The following TSC2 variants were observed in gnomAD, a reference collection of about 807,000 sequenced individuals.
TSC2 encodes the protein tuberin.
In TSC2, 29 loss-of-function variants were observed where a neutral mutation model predicts 202.2. The observed-to-expected ratio is 0.14, with a 90% CI of 0.11 to 0.20. The LOEUF is 0.20. TSC2 is among the 10% of genes least tolerant of loss of function. The probability of loss-of-function intolerance (pLI) is 1.00; values close to 1 mark genes in which losing one functional copy is unlikely to be tolerated. For missense variants in TSC2, 2,429 were observed against 2,420.0 expected (o/e 1.00, Z -0.08); for synonymous variants, 1,349 against 1,044.0 (o/e 1.29, Z -5.63).
chr16:2,061,344 G>A (rs960370804), intron 11 of TSC2: 3 of 283,622 alleles, frequency 1.1e-5, no homozygotes, highest in African/African-American at 4.4e-5. Flanking sequence ...AAGGGAGGCC[G>A]GGACTTCGCC....
chr16:2,070,465 T>C lies in TSC2; in HGVS notation c.1726T>C (p.Tyr576His). The C allele has an allele frequency of 6.2e-7, 1 of 1,613,370 alleles. No homozygotes were observed. Among genetic ancestry groups the C allele is most frequent in the Non-Finnish European group, 8.5e-7 (1 of 1,180,018 alleles). Residue 576 changes from tyrosine (Y) to histidine (H), a missense_variant, in exon 17 of 42, where the codon TAC (tyrosine) becomes CAC (histidine). Coordinates refer to ENST00000219476, the MANE Select transcript of TSC2 (RefSeq NM_000548.5). ...CGTCCTCTCTCTGCAGACCAAGCTG[T>C]ACACCCTGCCTGCAAGCCACGCCAC... is the stretch of plus-strand genomic sequence containing the variant. ...GLLVILQTKL[Y>H]TLPASHATRV...
At chr16:2,069,314 C>T (rs562024249) in intron 16 of TSC2, among the ~76,000 whole-genome samples, 23 of 152,252 alleles carry the variant, frequency 1.5e-4, no homozygotes, top group Middle Eastern at 6.8e-3. Flanking sequence ...AACTGTTAAT[C>T]ATTTAATCAT....
chr16:2,079,538 C>T lies in TSC2; in HGVS notation c.3285-19C>T, dbSNP rs45517291. 28 of 1,606,830 alleles carry T rather than the reference C, an allele frequency of 1.7e-5. No homozygotes were observed. The highest frequency in any genetic ancestry group is 9.0e-5 in the East Asian group (4 of 44,618). On this transcript the variant is annotated intron_variant, in intron 28 of 41. Transcript: ENST00000219476. This position sits in a 1 kb window ranked among gnomAD's most constrained non-coding sequence, Gnocchi z 4.6. ...GCCTGGGGACTAAGTCCACCCTGTG[C>T]GTGGGATTCTCTTCTCAGCTCCAGC...
In TSC2 at chr16:2,089,052, G is replaced by A. The variant is rs2091300343; in HGVS notation, c.*442G>A. On this transcript the variant is annotated 3_prime_UTR_variant, in exon 42 of 42. Transcript: ENST00000219476. ...CTCTTGCTACCTGGCCTGGGGCAAG[G>A]GAGGATGACAAGGCCTCTGGGGTGA... The A allele has an allele frequency of 1.6e-5, 3 of 193,416 alleles. No individual in the cohort carries two copies. Among genetic ancestry groups the A allele is most frequent in the South Asian group, 2.1e-4 (2 of 9,684 alleles). 12.0% of individuals were successfully genotyped at this position (193,416 alleles called of 1,614,324 possible). A position where few individuals can be genotyped will look rare whatever the true frequency, so the allele number is the denominator to read the frequency against.
At chr16:2,053,806 A>G (rs1275878666) in intron 4 of TSC2, 1 of 517,884 alleles carries the variant, frequency 1.9e-6, no homozygotes, top group Admixed American at 2.3e-5. Flanking sequence ...TCCCCTGCTC[A>G]CTGCATTCCA....
intron 17 of TSC2, among the ~76,000 whole-genome samples, chr16:2,070,907 G>A (rs897609700): frequency 1.3e-5 from 2 of 152,226 alleles, no homozygotes; most frequent in African/African-American, 4.8e-5. Context: ...GCAGAGGGCT[G>A]GGCAGGTGGG....
intron 32 of TSC2, 21 bp downstream of exon 32, chr16:2,082,525 G>A (rs1354017993): frequency 6.2e-7 from 1 of 1,609,022 alleles, no homozygotes; most frequent in Non-Finnish European, 8.5e-7. Flanking sequence ...TCAGAGGGAA[G>A]CGGTTGGCTG....
intron 10 of TSC2, 136 bp downstream of exon 10, chr16:2,059,009 G>T (rs1468390913): frequency 5.0e-6 from 7 of 1,407,766 alleles, no homozygotes; most frequent in Non-Finnish European, 6.8e-6. Context: ...TTGCTTTGCA[G>T]CTGGGGGTGA....
chr16:2,077,808 G>A (rs2151417952), intron 26 of TSC2, 82 bp downstream of exon 26: 1 of 1,593,996 alleles, frequency 6.3e-7, no homozygotes, highest in Non-Finnish European at 8.5e-7. Context: ...GGGGCTGCTT[G>A]CATGACCTCA....
intron 32 of TSC2, chr16:2,083,207 C>T (rs577930085): frequency 2.2e-6 from 1 of 458,974 alleles, no homozygotes; most frequent in African/African-American, 2.0e-5. Flanking sequence ...GACCTCCCAC[C>T]CTCTCTCCTT....
intron 23 of TSC2, 47 bp downstream of exon 23, chr16:2,075,939 T>C (rs1328780104): frequency 6.2e-7 from 1 of 1,612,398 alleles, no homozygotes; most frequent in Non-Finnish European, 8.5e-7. Flanking sequence ...TGGCCCCCGC[T>C]AGGCCTTGCG....
In TSC2 at chr16:2,067,160, T is replaced by A. The variant is rs529833847; in HGVS notation, c.1716+1525T>A. On this transcript the variant is annotated intron_variant, in intron 16 of 41. Coordinates refer to ENST00000219476, the MANE Select transcript of TSC2 (RefSeq NM_000548.5). Reference sequence around the variant, plus strand: ...AAGTTGAAAGTGGTGATGATTTTTTTTTTTAATTAATTTTTTGAGACAAGA... The same window carrying A: ...AAGTTGAAAGTGGTGATGATTTTTTATTTTAATTAATTTTTTGAGACAAGA... Among the ~76,000 whole-genome samples, 11 of 152,042 alleles carry A rather than the reference T, an allele frequency of 7.2e-5. No individual in the cohort carries two copies. In the South Asian group the frequency reaches 1.5e-3, roughly 20 times the overall value.
chr16:2,063,191 G>A (rs542190501), intron 14 of TSC2, 138 bp downstream of exon 14: 14 of 1,098,460 alleles, frequency 1.3e-5, no homozygotes, highest in Admixed American at 6.0e-5. Flanking sequence ...AGCCCCCAGC[G>A]TGGTCTGTTT....
intron 1 of TSC2, chr16:2,048,320 G>A: frequency 1.0e-6 from 1 of 984,570 alleles, no homozygotes; most frequent in Non-Finnish European, 1.6e-6. Flanking sequence ...CTTCGCGGCG[G>A]CAGTCCTAAC....
intron 13 of TSC2, 67 bp downstream of exon 13, chr16:2,062,667 C>CG: frequency 6.7e-7 from 1 of 1,503,630 alleles, no homozygotes; most frequent in Non-Finnish European, 9.1e-7. Context: ...GGGGCCCACC[C>CG]GGGCTGGGTC....
At chr16:2,074,996 A>T (rs1225012916) in intron 22 of TSC2, 3 of 159,870 alleles carry the variant, frequency 1.9e-5, no homozygotes, top group African/African-American at 7.4e-5. Flanking sequence ...CGGGTGGATC[A>T]CCTGAGGTCA....
chr16:2,052,305 G>C (rs2085235246), intron 3 of TSC2, among the ~76,000 whole-genome samples: 1 of 151,690 alleles, frequency 6.6e-6, no homozygotes, highest in Admixed American at 6.6e-5. Context: ...AAAGAACACG[G>C]CCATTTTGTT....
chr16:2,087,788 G>A lies in TSC2; in HGVS notation c.4990-75G>A, dbSNP rs564167361. 5.8e-5 allele frequency: 90 copies of A among 1,552,606 alleles called. 1 individual carries two copies. The South Asian group carries it at 8.9e-4, about 15-fold the overall frequency. On this transcript the variant is annotated intron_variant, in intron 38 of 41. Coordinates refer to ENST00000219476, the MANE Select transcript of TSC2 (RefSeq NM_000548.5). ...ATGGAGCTGACAGGTGTCTAGCAGT[G>A]CAACCAGGCAGTAGCCGAGATCAGC...
At chr16:2,057,969 C>A (rs577269806) in intron 9 of TSC2, among the ~76,000 whole-genome samples, 46 of 64,332 alleles carry the variant, frequency 7.2e-4, no homozygotes, top group African/African-American at 2.9e-3. Flanking sequence ...CTCTCCCAGC[C>A]CTGCCTCGGC....
Sources: gnomAD v4.1 joint callset for allele counts (sites outside exome capture counted in the v4.1 genomes callset) on GRCh38, gnomAD v4.1.1 for gene constraint, Gnocchi (gnomAD v3.1) non-coding constraint, MANE v1.5 for transcripts, NCBI Gene and HGNC (gene_info 2026-07-23, HGNC 2026-07-21) for gene names.